Variants in TMEM178B observed in about 807,000 individuals in gnomAD.
The protein encoded by TMEM178B is transmembrane protein 178B.
A neutral mutation model predicts 31.0 loss-of-function variants in TMEM178B; 5 were observed. The observed-to-expected ratio is 0.16, with a 90% CI of 0.08 to 0.34. The LOEUF (loss-of-function observed/expected upper bound fraction) is 0.34. TMEM178B is among the 10% of genes least tolerant of loss of function. The pLI is 1.00. For missense variants in TMEM178B, 275 were observed against 400.3 expected, an observed-to-expected ratio of 0.69 and a Z score of 2.67; for synonymous variants, 164 against 164.0, an observed-to-expected ratio of 1.00 and a Z score of 0.00.
In TMEM178B at chr7:141,074,252, G is replaced by A; in HGVS notation, c.-59G>A. On this transcript the variant is annotated 5_prime_UTR_variant, in exon 1 of 4. Transcript: ENST00000565468. This position sits in a 1 kb window ranked among gnomAD's most constrained non-coding sequence, Gnocchi z 5.1. ...CCGCCCGCCGCTTTGTTCCGGGTGC[G>A]GCGAGGGAAGGCGAGGCTGCGGCGG... is the stretch of plus-strand genomic sequence containing the variant. 1 of 1,450,142 alleles carries A rather than the reference G, an allele frequency of 6.9e-7. No homozygotes were observed. The highest frequency in any genetic ancestry group is 9.1e-7 in the Non-Finnish European group (1 of 1,103,186). 89.8% of individuals were successfully genotyped at this position (1,450,142 alleles called of 1,614,324 possible).
At chr7:141,236,286 G>T (rs113071540) in intron 2 of TMEM178B, among the ~76,000 whole-genome samples, 38 of 152,284 alleles carry the variant, frequency 2.5e-4, no homozygotes, top group African/African-American at 8.2e-4. Context: ...ACAGAGATTC[G>T]GCGCAGAGAA....
intron 2 of TMEM178B, among the ~76,000 whole-genome samples, chr7:141,425,356 C>G (rs758167545): frequency 6.6e-6 from 1 of 152,194 alleles, no homozygotes; most frequent in African/African-American, 2.4e-5. Flanking sequence ...AATTCCTGCA[C>G]TTTGCACTCT....
intron 1 of TMEM178B, among the ~76,000 whole-genome samples, chr7:141,129,449 C>T (rs569313342): frequency 6.6e-6 from 1 of 152,286 alleles, no homozygotes; most frequent in Non-Finnish European, 1.5e-5. Flanking sequence ...AATCTTTACA[C>T]ATGTACACAC....
chr7:141,478,285 G>A lies in TMEM178B; in HGVS notation c.*7499G>A, dbSNP rs1406607679. 1 of 152,354 alleles carries A rather than the reference G, an allele frequency of 6.6e-6. No homozygotes were observed. Among genetic ancestry groups the A allele is most frequent in the Non-Finnish European group, 1.5e-5 (1 of 68,122 alleles). 9.4% of individuals were successfully genotyped at this position (152,354 alleles called of 1,614,324 possible). A position where few individuals can be genotyped will look rare whatever the true frequency, so the allele number is the denominator to read the frequency against. ...AGTAACCCTGAAGTAATAGGAAGTA[G>A]GAAAGAGGAGCAGGGATTAGGTAAA... On this transcript the variant is annotated 3_prime_UTR_variant, in exon 4 of 4. Transcript: ENST00000565468.
chr7:141,349,003 A>G (rs920021406), intron 2 of TMEM178B, among the ~76,000 whole-genome samples: 2 of 152,208 alleles, frequency 1.3e-5, no homozygotes, highest in South Asian at 2.1e-4. Flanking sequence ...ACTGACATAC[A>G]GCAAAGGAAA....
intron 1 of TMEM178B, among the ~76,000 whole-genome samples, chr7:141,142,985 AT>A (rs1563098959): frequency 6.6e-6 from 1 of 151,986 alleles, no homozygotes; most frequent in African/African-American, 2.4e-5. Flanking sequence ...TATGTGGAGC[AT>A]TTTTTCATGT....
At chr7:141,394,700 CT>C (rs1439609221) in intron 2 of TMEM178B, among the ~76,000 whole-genome samples, 2 of 152,164 alleles carry the variant, frequency 1.3e-5, no homozygotes, top group Non-Finnish European at 2.9e-5. Flanking sequence ...TCATGTGGAT[CT>C]ATGGTATTTT....
At chr7:141,119,490 G>A (rs1795374631) in intron 1 of TMEM178B, among the ~76,000 whole-genome samples, 1 of 152,124 alleles carries the variant, frequency 6.6e-6, no homozygotes, top group African/African-American at 2.4e-5. Flanking sequence ...TACAGCATGT[G>A]TACTCTCTCT....
intron 2 of TMEM178B, among the ~76,000 whole-genome samples, chr7:141,226,766 G>A (rs1797348319): frequency 6.7e-6 from 1 of 149,492 alleles, no homozygotes; most frequent in Admixed American, 6.8e-5. Flanking sequence ...GCTAAGGCAT[G>A]AGAATTGCTT....
intron 2 of TMEM178B, among the ~76,000 whole-genome samples, chr7:141,304,913 A>C (rs1798790342): frequency 6.6e-6 from 1 of 151,948 alleles, no homozygotes; most frequent in South Asian, 2.1e-4. Flanking sequence ...CTTACTACAC[A>C]CCCACTATGG....
intron 1 of TMEM178B, among the ~76,000 whole-genome samples, chr7:141,146,032 G>T (rs148909229): frequency 5.4e-4 from 83 of 152,318 alleles, no homozygotes; most frequent in African/African-American, 1.9e-3. Flanking sequence ...ACTATATGCT[G>T]AGCACTGTGT....
intron 2 of TMEM178B, among the ~76,000 whole-genome samples, chr7:141,250,377 C>T (rs1217306607): frequency 6.6e-6 from 1 of 152,186 alleles, no homozygotes; most frequent in South Asian, 2.1e-4. Context: ...TTCAAAGTCA[C>T]ACAGCTAGTG....
In TMEM178B at chr7:141,250,925, C is replaced by T. The variant is rs1001788384; in HGVS notation, c.496+38221C>T. Reference sequence around the variant, plus strand: ...CATTGTCTCTGTTCTCTTCCCACCTCGCAACAGAAGGGCATTTCTCAGCAC... The same window carrying T: ...CATTGTCTCTGTTCTCTTCCCACCTTGCAACAGAAGGGCATTTCTCAGCAC... On this transcript the variant is annotated intron_variant, in intron 2 of 3. Transcript: ENST00000565468. Among the ~76,000 whole-genome samples the T allele has an allele frequency of 3.3e-5, 5 of 152,146 alleles. No individual in the cohort carries two copies. The South Asian group carries it at 6.2e-4, about 19-fold the overall frequency.
chr7:141,483,740 T>TTC (rs1357728523), downstream of TMEM178B, among the ~76,000 whole-genome samples: 1 of 52,158 alleles, frequency 1.9e-5, no homozygotes, highest in African/African-American at 4.1e-5. Flanking sequence ...GCCCTTCTTC[T>TTC]TTTTTTTTTT....
intron 2 of TMEM178B, among the ~76,000 whole-genome samples, chr7:141,221,438 T>C (rs1404659276): frequency 6.6e-6 from 1 of 152,132 alleles, no homozygotes; most frequent in Non-Finnish European, 1.5e-5. Context: ...ATCAATAAAG[T>C]CAGTCAGCAG....
rs567026758 is a variant in TMEM178B at position 141,251,189 on chromosome 7, T to C, written c.496+38485T>C. On this transcript the variant is annotated intron_variant, in intron 2 of 3. Transcript: ENST00000565468. ...AGTCTAACTTGTATGGGTCTCTCAA[T>C]CCCTAAGGAAGATGCAGTCTCTTTG... 5.5e-4 allele frequency among the ~76,000 whole-genome samples: 83 copies of C among 151,938 alleles called. 1 individual carries two copies. In the South Asian group the frequency reaches 0.017, roughly 31 times the overall value.
At chr7:141,258,128 ATTTC>A (rs1484950740) in intron 2 of TMEM178B, among the ~76,000 whole-genome samples, 5 of 149,992 alleles carry the variant, frequency 3.3e-5, no homozygotes, top group Non-Finnish European at 7.4e-5. Flanking sequence ...ATAGAACTTT[ATTTC>A]TTTCTTCTCC....
At chr7:141,151,466 T>A (rs1403506877) in intron 1 of TMEM178B, among the ~76,000 whole-genome samples, 1 of 152,068 alleles carries the variant, frequency 6.6e-6, no homozygotes, top group Non-Finnish European at 1.5e-5. Flanking sequence ...TTATATTCTT[T>A]CCACCAGGTT....
chr7:141,300,921 G>A (rs1331394649), intron 2 of TMEM178B, among the ~76,000 whole-genome samples: 1 of 151,748 alleles, frequency 6.6e-6, no homozygotes, highest in Non-Finnish European at 1.5e-5. Flanking sequence ...TTGCATTTCT[G>A]TGTTTCTAGA....
Sources: gnomAD v4.1 joint callset for allele counts (sites outside exome capture counted in the v4.1 genomes callset) on GRCh38, gnomAD v4.1.1 for gene constraint, Gnocchi (gnomAD v3.1) non-coding constraint, MANE v1.5 for transcripts, NCBI Gene and HGNC (gene_info 2026-07-23, HGNC 2026-07-21) for gene names.